ATP10A: variants seen among roughly 807,000 people sequenced by gnomAD.
ATP10A encodes the protein ATPase phospholipid transporting 10A (putative).
Under a neutral mutation model 147.8 loss-of-function variants are expected in ATP10A, and 111 were observed. That is an observed-to-expected ratio of 0.75 (90% CI 0.64 to 0.88). The LOEUF (loss-of-function observed/expected upper bound fraction) is 0.88. Ranked by LOEUF, ATP10A falls within the 40% of genes least tolerant of loss-of-function variation. The pLI is 0.00. For missense variants in ATP10A, 1,927 were observed against 1,959.0 expected (o/e 0.98, Z 0.31); for synonymous variants, 875 against 841.6 (o/e 1.04, Z -0.69).
At chr15:25,753,099 G>A (rs539275808) in intron 2 of ATP10A, among the ~76,000 whole-genome samples, 4 of 152,232 alleles carry the variant, frequency 2.6e-5, no homozygotes, top group African/African-American at 7.2e-5. Context: ...TGGTAAGAAC[G>A]TTTGAAATTT....
At chr15:25,783,162 G>T (rs1890007193) in intron 1 of ATP10A, among the ~76,000 whole-genome samples, 1 of 152,058 alleles carries the variant, frequency 6.6e-6, no homozygotes, top group Non-Finnish European at 1.5e-5. Flanking sequence ...GGTGACAGAG[G>T]CCCTATCTCA....
intron 3 of ATP10A, among the ~76,000 whole-genome samples, chr15:25,735,132 T>A (rs1252033806): frequency 1.3e-5 from 2 of 152,066 alleles, no homozygotes; most frequent in Non-Finnish European, 2.9e-5. Context: ...GGTGGCCCCT[T>A]GTGCTGCAGG....
intron 1 of ATP10A, among the ~76,000 whole-genome samples, chr15:25,797,818 T>C (rs1483371466): frequency 6.6e-6 from 1 of 152,022 alleles, no homozygotes; most frequent in African/African-American, 2.4e-5. Flanking sequence ...GCTCTGCCTT[T>C]ACCCTCCACG....
chr15:25,739,094 A>C (rs1037891330), intron 2 of ATP10A, among the ~76,000 whole-genome samples: 1 of 152,300 alleles, frequency 6.6e-6, no homozygotes, highest in African/African-American at 2.4e-5. Context: ...TTTGAGACAG[A>C]GTTCTGCTCC....
intron 1 of ATP10A, among the ~76,000 whole-genome samples, chr15:25,823,988 C>T (rs1440494764): frequency 6.6e-6 from 1 of 152,180 alleles, no homozygotes; most frequent in African/African-American, 2.4e-5. Context: ...ACGGGCAGTG[C>T]ATTAGCAGAA....
At chr15:25,773,118 G>A (rs189532640) in intron 2 of ATP10A, among the ~76,000 whole-genome samples, 2 of 152,200 alleles carry the variant, frequency 1.3e-5, no homozygotes, top group African/African-American at 4.8e-5. Flanking sequence ...CTTAAAGGTC[G>A]ATTCCTTTAT....
At chr15:25,818,348 A>C (rs1206745952) in intron 1 of ATP10A, among the ~76,000 whole-genome samples, 2 of 152,200 alleles carry the variant, frequency 1.3e-5, no homozygotes, top group East Asian at 3.8e-4. Flanking sequence ...CGAAAAATAT[A>C]TTATAAGCCA....
At chr15:25,836,226 G>C (rs1367234212) in intron 1 of ATP10A, among the ~76,000 whole-genome samples, 1 of 152,194 alleles carries the variant, frequency 6.6e-6, no homozygotes, top group East Asian at 1.9e-4. Context: ...TGGGATTACA[G>C]GTGTGGGCCC....
chr15:25,807,840 C>A (rs990816790), intron 1 of ATP10A, among the ~76,000 whole-genome samples: 1 of 150,302 alleles, frequency 6.7e-6, no homozygotes, highest in Non-Finnish European at 1.5e-5. Context: ...AAAAACCCAA[C>A]ATGTATTGGT....
intron 2 of ATP10A, among the ~76,000 whole-genome samples, chr15:25,761,157 G>C (rs962675631): frequency 2.0e-5 from 3 of 152,078 alleles, no homozygotes; most frequent in Non-Finnish European, 4.4e-5. Context: ...TTTATACTGA[G>C]AGAAAAAAGT....
Position 25,680,298 on chromosome 15 carries a change from T to G in ATP10A, c.3689A>C (p.Asn1230Thr), listed in dbSNP as rs759568778. The change falls in exon 20 of 21, where the codon AAC becomes ACC. Residue 1230 changes from asparagine (N) to threonine (T), a missense_variant. Physicochemically the swap from Asn to Thr is moderately conservative, Grantham distance 65 (BLOSUM62 0). Transcript: ENST00000555815. ...GACACTGAAGCCACACGTTATCCAG[T>G]TGAGCCAGGTCTGAGGGGGAATGAG... ...GIETKTWTWL[N>T]WITCGFSVLL... The G allele has an allele frequency of 3.1e-6, 5 of 1,614,042 alleles. No homozygotes were observed. The highest frequency in any genetic ancestry group is 4.2e-6 in the Non-Finnish European group (5 of 1,179,996).
At chr15:25,694,171 C>T (rs978406391) in intron 14 of ATP10A, among the ~76,000 whole-genome samples, 1 of 152,284 alleles carries the variant, frequency 6.6e-6, no homozygotes, top group Non-Finnish European at 1.5e-5. Flanking sequence ...CGAGTGGCCA[C>T]CATCCCCTCC....
intron 2 of ATP10A, among the ~76,000 whole-genome samples, chr15:25,737,717 C>G (rs997436212): frequency 6.6e-6 from 1 of 152,144 alleles, no homozygotes; most frequent in Non-Finnish European, 1.5e-5. Context: ...CCTAACCCCA[C>G]GTAGCTCAGA....
rs1899364047 is a variant in ATP10A, at chr15:25,680,819, G to C, written c.3669C>G (p.Thr1223=). ...LTFLLHLGIE[T]KTWTWLNWIT... is the part of the protein sequence containing the mutation. ...TGCAGGCGGCTCTTACCCAGGTTTTGGTTTCAATGCCCAGGTGGAGCAGGA... is the reference window on the plus strand; with the variant it reads ...TGCAGGCGGCTCTTACCCAGGTTTTCGTTTCAATGCCCAGGTGGAGCAGGA... Residue 1223 remains threonine, a synonymous_variant, in exon 19 of 21, where the codon ACC becomes ACG. Coordinates refer to ENST00000555815, the MANE Select transcript of ATP10A (RefSeq NM_024490.4). 1.2e-6 allele frequency: 2 copies of C among 1,613,268 alleles called. No homozygotes were observed. The highest frequency in any genetic ancestry group is 2.2e-5 in the East Asian group (1 of 44,874).
At chr15:25,792,392 C>T (rs562325842) in intron 1 of ATP10A, among the ~76,000 whole-genome samples, 1 of 152,342 alleles carries the variant, frequency 6.6e-6, no homozygotes, top group East Asian at 1.9e-4. Flanking sequence ...GCCACCAGCC[C>T]TCCCCCTGCC....
chr15:25,806,937 T>A (rs2140802676), intron 1 of ATP10A, among the ~76,000 whole-genome samples: 1 of 152,340 alleles, frequency 6.6e-6, no homozygotes, highest in South Asian at 2.1e-4. Context: ...AGGGAATGTA[T>A]TTTTCTCTAG....
downstream of ATP10A, among the ~76,000 whole-genome samples, chr15:25,675,508 C>G (rs765146884): frequency 8.0e-5 from 12 of 150,818 alleles, no homozygotes; most frequent in East Asian, 4.0e-4. Flanking sequence ...TCTCAGGGCC[C>G]GTGTAACAGC....
At chr15:25,703,124 G>A (rs1299766549) in intron 12 of ATP10A, among the ~76,000 whole-genome samples, 3 of 152,202 alleles carry the variant, frequency 2.0e-5, no homozygotes, top group South Asian at 2.1e-4. Context: ...TCGGGAGGCC[G>A]TGGCGGGCGG....
chr15:25,681,096 T>C (rs947296998), intron 17 of ATP10A, 22 bp from the exon 18 acceptor site: 2 of 1,607,164 alleles, frequency 1.2e-6, no homozygotes, highest in Non-Finnish European at 8.5e-7. Flanking sequence ...AAACAATCAG[T>C]GATGTTACAG....
Sources: allele counts gnomAD v4.1 joint callset (sites outside exome capture counted in the v4.1 genomes callset), GRCh38; gene constraint gnomAD v4.1.1; transcripts MANE v1.5; gene names NCBI Gene and HGNC (gene_info 2026-07-23, HGNC 2026-07-21).